Variants in COL13A1 observed in about 807,000 individuals in gnomAD.
COL13A1 encodes collagen type XIII alpha 1 chain, also known as collagen alpha-1(XIII) chain.
In COL13A1, 89 loss-of-function variants were observed where a neutral mutation model predicts 130.9. The observed-to-expected ratio is 0.68, with a 90% confidence interval of 0.57 to 0.81. The LOEUF is 0.81. COL13A1 is among the 30% of genes least tolerant of loss of function. The pLI, the probability that COL13A1 is intolerant of heterozygous loss-of-function variation, is 0.00. For synonymous variants in COL13A1, 402 were observed against 341.6 expected, an observed-to-expected ratio of 1.18 and a Z score of -1.95; for missense variants, 879 against 934.6, an observed-to-expected ratio of 0.94 and a Z score of 0.78.
chr10:69,876,487 C>T (rs1045934256), intron 5 of COL13A1, among the ~76,000 whole-genome samples: 2 of 152,222 alleles, frequency 1.3e-5, no homozygotes, highest in African/African-American at 4.8e-5. Context: ...TAAGGCCTGT[C>T]TATGGAGGCA....
intron 34 of COL13A1, among the ~76,000 whole-genome samples, chr10:69,940,290 C>A (rs1422942617): frequency 6.6e-6 from 1 of 152,226 alleles, no homozygotes; most frequent in African/African-American, 2.4e-5. Flanking sequence ...GCCTCCAAAG[C>A]CTTTGCCTAC....
At chr10:69,915,310 G>A (rs2063805672) in intron 17 of COL13A1, among the ~76,000 whole-genome samples, 1 of 152,222 alleles carries the variant, frequency 6.6e-6, no homozygotes, top group Non-Finnish European at 1.5e-5. Flanking sequence ...GGAAGTTAGT[G>A]TCTAGAGCAA....
At position 69,918,328 on chromosome 10, in the gene COL13A1, T is replaced by A. The variant is rs771835942; in HGVS notation, c.999+11T>A. On this transcript the variant is annotated intron_variant, in intron 19 of 40. Transcript: ENST00000645393. The stretch of plus-strand genomic sequence containing the variant: ...GTGGCTGGGATGAAGGTCAGTGGAC[T>A]GTTGTAACCAACACATCAGGGACAG... 1 of 1,612,916 alleles carries A rather than the reference T, an allele frequency of 6.2e-7. No individual in the cohort carries two copies. The highest frequency in any genetic ancestry group is 1.1e-5 in the South Asian group (1 of 90,990).
rs34323794 is a variant in COL13A1 at position 69,933,135 on chromosome 10, C to CAAA, written c.1728+561_1728+563dup. Among the ~76,000 whole-genome samples, 68 of 44,422 alleles carry CAAA rather than the reference C, an allele frequency of 1.5e-3. 2 individuals are homozygous for CAAA. Among genetic ancestry groups the CAAA allele is most frequent in the South Asian group, 5.5e-3 (3 of 548 alleles). The allele number at this position is 44,422 out of a possible 152,430, so 29.1% of individuals were successfully genotyped here. A position where few individuals can be genotyped will look rare whatever the true frequency, so the allele number is the denominator to read the frequency against. On this transcript the variant is annotated intron_variant, in intron 31 of 40. Transcript: ENST00000645393. ...TGGGCAACAGAGTGAGACTCTGCCT[C>CAAA]AAAAAAAAAAAAAAAAAAAAAAAAA...
intron 23 of COL13A1, 25 bp downstream of exon 23, chr10:69,922,819 T>C: frequency 1.3e-6 from 2 of 1,510,946 alleles, no homozygotes; most frequent in Non-Finnish European, 9.0e-7. Flanking sequence ...GAATTGGTGT[T>C]GGGGAGGTGC....
In COL13A1 at chr10:69,932,606, T is replaced by G. The variant is rs1256391595; in HGVS notation, c.1728+2T>G. On this transcript the variant is annotated splice_donor_variant, in intron 31 of 40. Transcript: ENST00000645393. LOFTEE classifies it high-confidence loss of function. Reference sequence around the variant, plus strand: ...GAGAAGGGCAATCCAGGAGCAGAGGTACATGAGAGATAATTTGACAGAGAC... The same window carrying G: ...GAGAAGGGCAATCCAGGAGCAGAGGGACATGAGAGATAATTTGACAGAGAC... The G allele has an allele frequency of 6.3e-7, 1 of 1,599,550 alleles. No individual in the cohort carries two copies. The highest frequency in any genetic ancestry group is 1.7e-5 in the Admixed American group (1 of 59,924).
chr10:69,933,351 T>G, intron 31 of COL13A1, among the ~76,000 whole-genome samples: 1 of 151,850 alleles, frequency 6.6e-6, no homozygotes. Flanking sequence ...TTTTGAGAAG[T>G]GTGGTGAAAG....
chr10:69,854,601 C>T (rs1032888318), intron 2 of COL13A1, among the ~76,000 whole-genome samples: 1 of 151,626 alleles, frequency 6.6e-6, no homozygotes, highest in Non-Finnish European at 1.5e-5. Context: ...CTGCTTGTCA[C>T]CAGACTCTGG....
At chr10:69,949,731 G>C (rs188310334) in intron 38 of COL13A1, among the ~76,000 whole-genome samples, 2 of 152,164 alleles carry the variant, frequency 1.3e-5, no homozygotes, top group Admixed American at 6.5e-5. Context: ...AATTTGGCCC[G>C]GGAGCCACCT....
chr10:69,929,097 C>T (rs2065770251), intron 28 of COL13A1, 98 bp downstream of exon 28: 1 of 932,024 alleles, frequency 1.1e-6, no homozygotes, highest in Non-Finnish European at 1.7e-6. Context: ...CCAGCACTAC[C>T]ACCATACCCT....
At chr10:69,860,184 G>A (rs573201322) in intron 2 of COL13A1, among the ~76,000 whole-genome samples, 1 of 152,328 alleles carries the variant, frequency 6.6e-6, no homozygotes, top group Admixed American at 6.5e-5. Context: ...GATGAGCCCT[G>A]CTCCAGGGAA....
chr10:69,938,278 T>G (rs1046935162), intron 34 of COL13A1, among the ~76,000 whole-genome samples: 19 of 152,076 alleles, frequency 1.2e-4, no homozygotes, highest in African/African-American at 4.1e-4. Flanking sequence ...GGTGGGGAGC[T>G]GCTCAGAAGG....
At chr10:69,814,931 T>C (rs1452520893) in intron 1 of COL13A1, among the ~76,000 whole-genome samples, 1 of 152,272 alleles carries the variant, frequency 6.6e-6, no homozygotes, top group Non-Finnish European at 1.5e-5. Flanking sequence ...GGCTGATATA[T>C]GGTGTTCAAT....
chr10:69,834,423 C>T (rs1184436504), intron 2 of COL13A1, among the ~76,000 whole-genome samples: 2 of 152,140 alleles, frequency 1.3e-5, no homozygotes, highest in Non-Finnish European at 2.9e-5. Context: ...GTTCTAGCTA[C>T]CTACTAGGTG....
In COL13A1 at chr10:69,860,133, C is replaced by T. The variant is rs575191776; in HGVS notation, c.365-7665C>T. ...GGCTGCAGTCTCACTCTGGGGTTCC[C>T]GGCCTCAGTCTGCAGGAAGCAGTAG... On this transcript the variant is annotated intron_variant, in intron 2 of 40. Transcript: ENST00000645393. Among the ~76,000 whole-genome samples the T allele has an allele frequency of 3.9e-5, 6 of 152,284 alleles. No homozygotes were observed. The East Asian group carries it at 1.2e-3, about 29-fold the overall frequency.
chr10:69,861,849 C>T (rs1858187059), intron 2 of COL13A1, among the ~76,000 whole-genome samples: 1 of 152,354 alleles, frequency 6.6e-6, no homozygotes, highest in South Asian at 2.1e-4. Flanking sequence ...CTGCCCACTT[C>T]TCCCAGGACC....
rs1449908777 is a variant in COL13A1 at position 69,912,056 on chromosome 10, A to G, written c.922-5233A>G. Among the ~76,000 whole-genome samples, 3 of 152,296 alleles carry G rather than the reference A, an allele frequency of 2.0e-5. No homozygotes were observed. The East Asian group carries it at 5.8e-4, about 29-fold the overall frequency. ...TGAAAGCTGTGAAATCCTAGTGGGG[A>G]CCATTCGCATTAAAGATAAGAAAAC... On this transcript the variant is annotated intron_variant, in intron 17 of 40. Coordinates refer to ENST00000645393, the MANE Select transcript of COL13A1 (RefSeq NM_001368882.1).
In COL13A1 at chr10:69,822,439, G is replaced by A; in HGVS notation, c.364+1G>A. 6.3e-7 allele frequency: 1 copy of A among 1,587,502 alleles called. No individual in the cohort carries two copies. The highest frequency in any genetic ancestry group is 8.6e-7 in the Non-Finnish European group (1 of 1,167,250). ...TCTCCAGGATGTAACTGCCCACCAG[G>A]TAAGCAGCCCTGCAAATAGGTGACC... On this transcript the variant is annotated splice_donor_variant, in intron 2 of 40. Transcript: ENST00000645393. LOFTEE classifies it high-confidence loss of function.
intron 17 of COL13A1, among the ~76,000 whole-genome samples, chr10:69,909,988 T>C (rs2063187136): frequency 6.6e-6 from 1 of 152,210 alleles, no homozygotes; most frequent in South Asian, 2.1e-4. Flanking sequence ...TCAAGCCCTG[T>C]GGCCAGTCTG....
Sources: allele counts gnomAD v4.1 joint callset (sites outside exome capture counted in the v4.1 genomes callset), GRCh38; gene constraint gnomAD v4.1.1; transcripts MANE v1.5; gene names NCBI Gene and HGNC (gene_info 2026-07-23, HGNC 2026-07-21).